ADISSP: variants seen among roughly 807,000 people sequenced by gnomAD.
ADISSP encodes the protein adipose secreted signaling protein.
the ADISSP span, chr20:3,754,498 T>A: frequency 1.2e-6 from 2 of 1,613,796 alleles, no homozygotes; most frequent in African/African-American, 2.7e-5. Context: ...GTGCGCCGAG[T>A]ACTCACACTT....
chr20:3,753,988 C>A, the ADISSP span: 1 of 1,213,960 alleles, frequency 8.2e-7, no homozygotes. Flanking sequence ...GCCACACCAT[C>A]ACGCAGCATG....
At chr20:3,753,724 A>G in the ADISSP span, 3 of 405,460 alleles carry the variant, frequency 7.4e-6, no homozygotes, top group Non-Finnish European at 1.4e-5. Context: ...GTCCTCTCCC[A>G]GACCCTGGTG....
chr20:3,755,693 C>T, the ADISSP span: 33 of 1,206,680 alleles, frequency 2.7e-5, no homozygotes, highest in South Asian at 3.2e-4. Context: ...TGATCCCATG[C>T]GCCCCAGCAC....
chr20:3,766,677 G>A, the ADISSP span, among the ~76,000 whole-genome samples: 7 of 152,202 alleles, frequency 4.6e-5, no homozygotes, highest in Non-Finnish European at 8.8e-5. Flanking sequence ...CAAGGTGAGG[G>A]TGGGAGCACA....
chr20:3,755,283 C>T, the ADISSP span: 2 of 596,092 alleles, frequency 3.4e-6, no homozygotes, highest in African/African-American at 1.9e-5. Flanking sequence ...AGCTCATGGA[C>T]TTCTGTTCAG....
chr20:3,767,579 C>CT, the ADISSP span: 2 of 152,542 alleles, frequency 1.3e-5, no homozygotes, highest in African/African-American at 4.8e-5. Context: ...CAGGCACTGA[C>CT]TGCTCAGGAC....
the ADISSP span, chr20:3,759,861 C>G: frequency 4.4e-5 from 30 of 687,902 alleles, no homozygotes; most frequent in South Asian, 5.0e-4. This position sits in a 1 kb window ranked among gnomAD's most constrained non-coding sequence, Gnocchi z 4.6. Flanking sequence ...CCTAAGGAGT[C>G]AGCAGGGCTC....
At chr20:3,757,644 TG>T in the ADISSP span, among the ~76,000 whole-genome samples, 1 of 152,206 alleles carries the variant, frequency 6.6e-6, no homozygotes, top group South Asian at 2.1e-4. Context: ...TTTGTTTGTT[TG>T]TTTGAGACAG....
At chr20:3,760,048 T>C in the ADISSP span, 1 of 1,610,526 alleles carries the variant, frequency 6.2e-7, no homozygotes, top group African/African-American at 1.3e-5. Flanking sequence ...CGGAAGAGCT[T>C]GTGCAAGTCC....
the ADISSP span, among the ~76,000 whole-genome samples, chr20:3,761,479 G>A: frequency 3.8e-4 from 58 of 152,258 alleles, no homozygotes; most frequent in East Asian, 0.011. Flanking sequence ...GGGACTACAG[G>A]CGCCCGCCAC....
chr20:3,757,946 C>G, the ADISSP span, among the ~76,000 whole-genome samples: 20 of 151,966 alleles, frequency 1.3e-4, no homozygotes, highest in Admixed American at 1.3e-3. Flanking sequence ...ACTCTGGACC[C>G]CTGATTTATT....
At chr20:3,759,866 G>T in the ADISSP span, 1 of 703,130 alleles carries the variant, frequency 1.4e-6, no homozygotes, top group Non-Finnish European at 2.5e-6. The surrounding 1 kb of genome is among the most constrained non-coding windows in gnomAD (Gnocchi z 4.6). Flanking sequence ...GGAGTCAGCA[G>T]GGCTCTGCAG....
the ADISSP span, among the ~76,000 whole-genome samples, chr20:3,757,490 A>G: frequency 6.6e-6 from 1 of 152,052 alleles, no homozygotes; most frequent in Non-Finnish European, 1.5e-5. Context: ...ACATGAGTGG[A>G]TTTTGCAATG....
the ADISSP span, among the ~76,000 whole-genome samples, chr20:3,766,836 A>G: frequency 6.6e-6 from 1 of 152,166 alleles, no homozygotes; most frequent in Non-Finnish European, 1.5e-5. Flanking sequence ...TCCCCGGAGC[A>G]GAAAAATGCC....
At chr20:3,754,787 C>A in the ADISSP span, among the ~76,000 whole-genome samples, 1 of 152,318 alleles carries the variant, frequency 6.6e-6, no homozygotes, top group Non-Finnish European at 1.5e-5. Flanking sequence ...GAAGTAGGGT[C>A]CAATTCAGGC....
At chr20:3,761,493 G>A in the ADISSP span, among the ~76,000 whole-genome samples, 36 of 152,064 alleles carry the variant, frequency 2.4e-4, no homozygotes, top group Non-Finnish European at 5.1e-4. Context: ...CCGCCACCAC[G>A]CCTAGCTAAT....
chr20:3,762,793 T>C, the ADISSP span, among the ~76,000 whole-genome samples: 2 of 152,352 alleles, frequency 1.3e-5, no homozygotes, highest in East Asian at 3.9e-4. Context: ...AAACCATTTA[T>C]TATTTGGCCC....
chr20:3,759,484 G>A, the ADISSP span, among the ~76,000 whole-genome samples: 3 of 152,154 alleles, frequency 2.0e-5, no homozygotes, highest in African/African-American at 4.8e-5. The surrounding 1 kb of genome is among the most constrained non-coding windows in gnomAD (Gnocchi z 4.6). Flanking sequence ...CCGAGAGCAC[G>A]GCCCTAGTCC....
At chr20:3,761,525 AG>A in the ADISSP span, among the ~76,000 whole-genome samples, 1 of 152,050 alleles carries the variant, frequency 6.6e-6, no homozygotes. Context: ...TAGTAGAGAC[AG>A]GGTTTCACCA....
Sources: gnomAD v4.1 joint callset for allele counts (sites outside exome capture counted in the v4.1 genomes callset) on GRCh38, gnomAD v4.1.1 for gene constraint, Gnocchi (gnomAD v3.1) non-coding constraint, MANE v1.5 for transcripts, NCBI Gene and HGNC (gene_info 2026-07-23, HGNC 2026-07-21) for gene names.